CNTN6: variants seen among roughly 807,000 people sequenced by gnomAD.
The protein encoded by CNTN6 is contactin-6.
In CNTN6, 137 loss-of-function variants were observed where a neutral mutation model predicts 122.8. That is an observed-to-expected ratio of 1.12 (90% CI 0.97 to 1.29). The LOEUF is 1.29. Among genes scored for constraint, CNTN6 ranks in the 50% most tolerant of loss-of-function variants. CNTN6 has a pLI of 0.00. For synonymous variants in CNTN6, 570 were observed against 426.0 expected, an observed-to-expected ratio of 1.34 and a Z score of -4.16; for missense variants, 1,634 against 1,223.4, an observed-to-expected ratio of 1.34 and a Z score of -5.01.
At chr3:1,386,541 C>T (rs1475470125) in intron 20 of CNTN6, among the ~76,000 whole-genome samples, 1 of 152,092 alleles carries the variant, frequency 6.6e-6, no homozygotes, top group Non-Finnish European at 1.5e-5. Context: ...ACAAATATTC[C>T]ATAATACGAG....
rs572435654 is a variant in CNTN6 at position 1,318,060 on chromosome 3, C to A, written c.762-3590C>A. Among the ~76,000 whole-genome samples the A allele has an allele frequency of 1.6e-4, 24 of 147,050 alleles. 1 individual carries two copies. In the South Asian group the frequency reaches 4.9e-3, roughly 30 times the overall value. ...GTTTTATCAGACTTACAACTCCAAA[C>A]ACAATTGAGAAAGAAGAAAAAAAGG... On this transcript the variant is annotated intron_variant, in intron 7 of 22. Transcript: ENST00000446702.
intron 1 of CNTN6, among the ~76,000 whole-genome samples, chr3:1,126,897 G>A (rs1158204147): frequency 6.6e-6 from 1 of 151,710 alleles, no homozygotes; most frequent in Non-Finnish European, 1.5e-5. Context: ...ATTTCCCATT[G>A]GTGCTGAATA....
intron 7 of CNTN6, among the ~76,000 whole-genome samples, chr3:1,300,537 G>A (rs573452179): frequency 1.9e-4 from 26 of 133,460 alleles, no homozygotes; most frequent in African/African-American, 6.2e-4. Flanking sequence ...TAAAGAAAGA[G>A]AGAGAAAGAA....
At chr3:1,170,359 C>T (rs1575106389) in intron 2 of CNTN6, among the ~76,000 whole-genome samples, 1 of 151,730 alleles carries the variant, frequency 6.6e-6, no homozygotes, top group East Asian at 1.9e-4. Flanking sequence ...GTGTTATTCT[C>T]CCCAATATAC....
At position 1,327,518 on chromosome 3, in the gene CNTN6, G is replaced by C. The variant is rs1292292223; in HGVS notation, c.1145G>C (p.Gly382Ala). 4.3e-6 allele frequency: 7 copies of C among 1,610,982 alleles called. No homozygotes were observed. Among genetic ancestry groups the C allele is most frequent in the Non-Finnish European group, 5.9e-6 (7 of 1,178,126 alleles). ...ACGATGCTGAATGTGTCAGATTCTGGTGTGTACCAATGTGCTGCAGAAAAC... is the reference window on the plus strand; with the variant it reads ...ACGATGCTGAATGTGTCAGATTCTGCTGTGTACCAATGTGCTGCAGAAAAC... ...IITMLNVSDSGVYQCAAENKY... is the reference protein window; with the variant it reads ...IITMLNVSDSAVYQCAAENKY... The change falls in exon 10 of 23, where the codon GGT (glycine) becomes GCT (alanine). Residue 382 changes from glycine (G) to alanine (A), a missense_variant. Gly to Ala is a moderately conservative substitution (Grantham distance 60). Coordinates refer to ENST00000446702, the MANE Select transcript of CNTN6 (RefSeq NM_001289080.2).
Position 1,391,289 on chromosome 3 carries a change from G to A in CNTN6, c.2704+5492G>A, listed in dbSNP as rs1375266531. On this transcript the variant is annotated intron_variant, in intron 20 of 22. Transcript: ENST00000446702. ...AAATGTAATCCAGCATATAAACAGA[G>A]CCAAAGACAAAAACCACATAATTAT... Among the ~76,000 whole-genome samples, 314 of 120,878 alleles carry A rather than the reference G, an allele frequency of 2.6e-3. 2 individuals carry two copies. The highest frequency in any genetic ancestry group is 0.01 in the African/African-American group (284 of 27,814). The allele number at this position is 120,878 out of a possible 152,430, so 79.3% of individuals were successfully genotyped here.
chr3:1,337,848 C>G (rs1349552589), intron 11 of CNTN6, among the ~76,000 whole-genome samples: 1 of 152,092 alleles, frequency 6.6e-6, no homozygotes, highest in African/African-American at 2.4e-5. Context: ...AGCTAAAATC[C>G]TGTGTGTGCC....
At chr3:1,197,567 C>G (rs3821436) in intron 2 of CNTN6, among the ~76,000 whole-genome samples, 1 of 152,140 alleles carries the variant, frequency 6.6e-6, no homozygotes, top group Non-Finnish European at 1.5e-5. Context: ...GCATCTACAA[C>G]ACTTAGTGAT....
chr3:1,348,179 A>ACTTGGGCC (rs1305842881), intron 11 of CNTN6, among the ~76,000 whole-genome samples: 12 of 148,984 alleles, frequency 8.1e-5, no homozygotes, highest in Non-Finnish European at 1.5e-4. Context: ...AAAAAAAAGG[A>ACTTGGGCC]CTTGGGCCAT....
chr3:1,103,362 G>C (rs2091051740), intron 1 of CNTN6, among the ~76,000 whole-genome samples: 1 of 152,138 alleles, frequency 6.6e-6, no homozygotes, highest in South Asian at 2.1e-4. Flanking sequence ...GAATTAGCCG[G>C]TGCTTATAAA....
chr3:1,110,862 A>G (rs1313381955), intron 1 of CNTN6, among the ~76,000 whole-genome samples: 2 of 152,182 alleles, frequency 1.3e-5, no homozygotes, highest in Admixed American at 1.3e-4. Context: ...GTCCGATGAC[A>G]GAATCAACCT....
chr3:1,136,241 C>T (rs1263606080), intron 1 of CNTN6, among the ~76,000 whole-genome samples: 1 of 152,130 alleles, frequency 6.6e-6, no homozygotes, highest in Non-Finnish European at 1.5e-5. Context: ...CAGTGGGCAA[C>T]CCAAGAACAG....
chr3:1,204,562 C>G (rs1394529262), intron 2 of CNTN6, among the ~76,000 whole-genome samples: 1 of 132,172 alleles, frequency 7.6e-6, no homozygotes, highest in African/African-American at 3.2e-5. Flanking sequence ...GCTCACCTCT[C>G]CCTTCTCTTT....
At chr3:1,153,729 G>A (rs1402659902) in intron 2 of CNTN6, among the ~76,000 whole-genome samples, 2 of 152,118 alleles carry the variant, frequency 1.3e-5, no homozygotes, top group Non-Finnish European at 2.9e-5. Context: ...GAGAGGCAGA[G>A]CAAACGAACT....
intron 7 of CNTN6, among the ~76,000 whole-genome samples, chr3:1,311,384 TTA>T (rs1336083605): frequency 8.0e-5 from 9 of 112,118 alleles, no homozygotes; most frequent in African/African-American, 3.2e-4. Flanking sequence ...TAAAATGTCT[TTA>T]TATGTACATA....
chr3:1,297,310 A>C (rs1185971412), intron 6 of CNTN6, among the ~76,000 whole-genome samples: 3 of 152,188 alleles, frequency 2.0e-5, no homozygotes, highest in Non-Finnish European at 4.4e-5. Context: ...TAATTAAGTT[A>C]ATGAGAATAG....
chr3:1,367,750 G>A (rs752758274), intron 12 of CNTN6, among the ~76,000 whole-genome samples: 2 of 152,116 alleles, frequency 1.3e-5, no homozygotes, highest in Non-Finnish European at 2.9e-5. Flanking sequence ...TAGTCCTGGA[G>A]TCCTGAGGGC....
At chr3:1,314,411 T>C (rs155407) in intron 7 of CNTN6, among the ~76,000 whole-genome samples, 1,695 of 152,212 alleles carry the variant, frequency 0.011, 35 homozygotes, top group African/African-American at 0.039. Flanking sequence ...ACTCATTCTC[T>C]GTACCAGTCT....
At chr3:1,395,854 G>C (rs985602138) in intron 20 of CNTN6, among the ~76,000 whole-genome samples, 10 of 152,022 alleles carry the variant, frequency 6.6e-5, no homozygotes, top group Admixed American at 4.6e-4. Context: ...CAAGGAGTTT[G>C]GTATTTTAAT....
Sources: gnomAD v4.1 joint callset for allele counts (sites outside exome capture counted in the v4.1 genomes callset) on GRCh38, gnomAD v4.1.1 for gene constraint, MANE v1.5 for transcripts, NCBI Gene and HGNC (gene_info 2026-07-23, HGNC 2026-07-21) for gene names.